ATAD2B: variants seen among roughly 807,000 people sequenced by gnomAD.
ATAD2B encodes ATPase family AAA domain containing 2B.
A neutral mutation model predicts 167.6 loss-of-function variants in ATAD2B; 40 were observed. The ratio of observed to expected loss-of-function variants is 0.24; its 90% CI spans 0.19 to 0.31. ATAD2B has a LOEUF of 0.31. ATAD2B is among the 10% of genes least tolerant of loss of function. ATAD2B has a pLI of 1.00. For missense variants in ATAD2B, 1,242 were observed against 1,757.2 expected, an observed-to-expected ratio of 0.71 and a Z score of 5.24; for synonymous variants, 579 against 596.5, an observed-to-expected ratio of 0.97 and a Z score of 0.43.
intron 14 of ATAD2B, among the ~76,000 whole-genome samples, chr2:23,829,200 T>C (rs925298807): frequency 2.0e-5 from 3 of 152,186 alleles, no homozygotes; most frequent in Non-Finnish European, 4.4e-5. Flanking sequence ...GTGAAGAAAA[T>C]TGACTAGCAG....
intron 22 of ATAD2B, among the ~76,000 whole-genome samples, 186 bp downstream of exon 22, chr2:23,782,683 C>T (rs931408774): frequency 6.6e-6 from 1 of 152,138 alleles, no homozygotes; most frequent in South Asian, 2.1e-4. Context: ...ATAATACCTA[C>T]AACTATACAA....
At chr2:23,774,722 A>G (rs999419757) in intron 22 of ATAD2B, among the ~76,000 whole-genome samples, 7 of 152,120 alleles carry the variant, frequency 4.6e-5, no homozygotes, top group African/African-American at 1.7e-4. Flanking sequence ...CAACATGGTG[A>G]AACCCCGTCT....
At position 23,887,820 on chromosome 2, in the gene ATAD2B, T is replaced by C; in HGVS notation, c.572+12A>G. On this transcript the variant is annotated intron_variant, in intron 4 of 27. Coordinates refer to ENST00000238789, the MANE Select transcript of ATAD2B (RefSeq NM_017552.4). ...TAATTAAATGAAACTGCTTAATACTTGGCATTCATACCTATTTACTAGTTG... is the reference window on the plus strand; with the variant it reads ...TAATTAAATGAAACTGCTTAATACTCGGCATTCATACCTATTTACTAGTTG... The C allele has an allele frequency of 6.4e-7, 1 of 1,569,484 alleles. No individual in the cohort carries two copies. Among genetic ancestry groups the C allele is most frequent in the Non-Finnish European group, 8.6e-7 (1 of 1,163,108 alleles).
At chr2:23,738,462 G>A in the ATAD2B span, among the ~76,000 whole-genome samples, 1 of 152,162 alleles carries the variant, frequency 6.6e-6, no homozygotes, top group Non-Finnish European at 1.5e-5. Context: ...CTTCATAAGT[G>A]AAGGAGAAAT....
chr2:23,896,491 T>C (rs2150367208), intron 1 of ATAD2B, among the ~76,000 whole-genome samples: 1 of 152,266 alleles, frequency 6.6e-6, no homozygotes, highest in South Asian at 2.1e-4. Flanking sequence ...TTGTTTTTAT[T>C]TTGAAAAATG....
At chr2:23,794,691 A>G (rs1286946093) in intron 19 of ATAD2B, among the ~76,000 whole-genome samples, 3 of 152,128 alleles carry the variant, frequency 2.0e-5, no homozygotes, top group Admixed American at 2.0e-4. Context: ...TATACACATG[A>G]AATATACTGT....
At chr2:23,917,824 C>G (rs1021689959) in intron 1 of ATAD2B, among the ~76,000 whole-genome samples, 6 of 151,920 alleles carry the variant, frequency 3.9e-5, no homozygotes, top group Non-Finnish European at 7.4e-5. Context: ...TTTGGGAGGC[C>G]AAGCCGGGGG....
At chr2:23,896,694 T>C (rs978312369) in intron 1 of ATAD2B, among the ~76,000 whole-genome samples, 2 of 152,104 alleles carry the variant, frequency 1.3e-5, no homozygotes, top group Non-Finnish European at 1.5e-5. Context: ...CACAGACATA[T>C]TCAAATTTCA....
intron 15 of ATAD2B, among the ~76,000 whole-genome samples, chr2:23,826,551 G>C (rs1459846262): frequency 6.6e-6 from 1 of 152,026 alleles, no homozygotes; most frequent in Non-Finnish European, 1.5e-5. Flanking sequence ...CCTGAATACT[G>C]CTATTAAGCT....
chr2:23,680,475 T>C, the ATAD2B span, among the ~76,000 whole-genome samples: 1 of 152,128 alleles, frequency 6.6e-6, no homozygotes, highest in Admixed American at 6.5e-5. The surrounding 1 kb of genome is among the most constrained non-coding windows in gnomAD (Gnocchi z 4.1). Flanking sequence ...GGCATCCCGC[T>C]CAAAGCCGAG....
chr2:23,833,060 T>G (rs1318350150), intron 14 of ATAD2B, among the ~76,000 whole-genome samples: 2 of 152,360 alleles, frequency 1.3e-5, no homozygotes, highest in East Asian at 3.9e-4. Context: ...ATTTAAAGCC[T>G]GTAAATTGAA....
chr2:23,764,033 T>C (rs574473619), intron 23 of ATAD2B, among the ~76,000 whole-genome samples: 35 of 152,346 alleles, frequency 2.3e-4, no homozygotes, highest in African/African-American at 8.4e-4. Context: ...TTGTTTCCAG[T>C]TTGTGGTTAT....
At chr2:23,852,746 C>A (rs1424328879) in intron 13 of ATAD2B, among the ~76,000 whole-genome samples, 1 of 151,956 alleles carries the variant, frequency 6.6e-6, no homozygotes. Context: ...TGGTGAAACC[C>A]TGTCTCTACT....
chr2:23,738,359 A>C, the ATAD2B span, among the ~76,000 whole-genome samples: 1 of 152,246 alleles, frequency 6.6e-6, no homozygotes, highest in Non-Finnish European at 1.5e-5. Context: ...TCTCTGCAGA[A>C]ACTCTACCAG....
chr2:23,857,019 G>A (rs138344804), intron 13 of ATAD2B, among the ~76,000 whole-genome samples: 1,639 of 151,708 alleles, frequency 0.011, 17 homozygotes, highest in Middle Eastern at 0.038. Flanking sequence ...AACCAGCCTA[G>A]GCAAGAGAGC....
intron 23 of ATAD2B, 37 bp downstream of exon 23, chr2:23,765,469 A>G (rs1677282978): frequency 6.3e-7 from 1 of 1,580,246 alleles, no homozygotes; most frequent in Admixed American, 1.7e-5. Context: ...AACAGAGCAC[A>G]CTAGGCTTCA....
chr2:23,727,383 C>T, the ATAD2B span, among the ~76,000 whole-genome samples: 2 of 152,118 alleles, frequency 1.3e-5, no homozygotes, highest in African/African-American at 4.8e-5. Flanking sequence ...TACTTCACAC[C>T]TATTAGAATG....
At chr2:23,686,823 A>C in the ATAD2B span, among the ~76,000 whole-genome samples, 1 of 152,182 alleles carries the variant, frequency 6.6e-6, no homozygotes, top group Non-Finnish European at 1.5e-5. Flanking sequence ...CAGTAAGGTC[A>C]CACAGGAAAA....
chr2:23,841,243 T>C (rs1264658467), intron 13 of ATAD2B, among the ~76,000 whole-genome samples: 1 of 151,748 alleles, frequency 6.6e-6, no homozygotes, highest in African/African-American at 2.4e-5. Flanking sequence ...TGCAGCCTAA[T>C]TGTTATATCT....
Sources: allele counts gnomAD v4.1 joint callset (sites outside exome capture counted in the v4.1 genomes callset), GRCh38; gene constraint gnomAD v4.1.1; non-coding constraint Gnocchi (gnomAD v3.1); transcripts MANE v1.5; gene names NCBI Gene and HGNC (gene_info 2026-07-23, HGNC 2026-07-21).